HAPLN1: variants seen among roughly 807,000 people sequenced by gnomAD.
HAPLN1 encodes hyaluronan and proteoglycan link protein 1.
A neutral mutation model predicts 36.5 loss-of-function variants in HAPLN1; 13 were observed. That is an observed-to-expected ratio of 0.36 (90% confidence interval 0.23 to 0.57). HAPLN1 has a LOEUF of 0.57. Among genes scored for constraint, HAPLN1 ranks in the 20% least tolerant of loss-of-function variants. HAPLN1 has a pLI of 0.83. For synonymous variants in HAPLN1, 202 were observed against 169.8 expected, an observed-to-expected ratio of 1.19 and a Z score of -1.48; for missense variants, 407 against 439.7, an observed-to-expected ratio of 0.93 and a Z score of 0.66.
At chr5:83,694,558 G>T (rs1308030230) in intron 1 of HAPLN1, among the ~76,000 whole-genome samples, 2 of 151,802 alleles carry the variant, frequency 1.3e-5, no homozygotes, top group African/African-American at 4.8e-5. Context: ...AATGAATGAA[G>T]TAGATAATAT....
At chr5:83,675,856 A>C (rs1237924396) in intron 1 of HAPLN1, among the ~76,000 whole-genome samples, 2 of 152,340 alleles carry the variant, frequency 1.3e-5, no homozygotes, top group East Asian at 3.9e-4. Context: ...CTTGGGATAC[A>C]GACAGTAATC....
At chr5:83,710,367 T>G (rs941773773) in intron 1 of HAPLN1, among the ~76,000 whole-genome samples, 7 of 151,940 alleles carry the variant, frequency 4.6e-5, no homozygotes, top group Non-Finnish European at 8.8e-5. Context: ...AAGGTAGAGA[T>G]TGTTGTGAAG....
Position 83,644,457 on chromosome 5 carries a change from C to T in HAPLN1, c.681G>A (p.Gly227=), listed in dbSNP as rs1162499111. ...TGACTCCGGGCACTGTGTTCTGCCCCCCACAGGGCTCTCTGGGCTTTGTGA... is the reference window on the plus strand; with the variant it reads ...TGACTCCGGGCACTGTGTTCTGCCCTCCACAGGGCTCTCTGGGCTTTGTGA... ...YPITKPREPC[G]GQNTVPGVRN... The change falls in exon 4 of 5, where the codon GGG becomes GGA. Residue 227 remains glycine, a synonymous_variant. Transcript: ENST00000274341. 1.2e-6 allele frequency: 2 copies of T among 1,613,132 alleles called. No homozygotes were observed. Among genetic ancestry groups the T allele is most frequent in the Non-Finnish European group, 1.7e-6 (2 of 1,179,598 alleles).
chr5:83,657,722 C>T (rs2112574592), intron 2 of HAPLN1, among the ~76,000 whole-genome samples: 1 of 151,586 alleles, frequency 6.6e-6, no homozygotes, highest in East Asian at 1.9e-4. Flanking sequence ...GCAAGCTAGC[C>T]AGGCTTGATG....
intron 1 of HAPLN1, among the ~76,000 whole-genome samples, chr5:83,682,982 G>A (rs928742716): frequency 2.6e-5 from 4 of 152,066 alleles, no homozygotes; most frequent in African/African-American, 9.7e-5. Context: ...ATCTTAGCTA[G>A]AAACTACTGC....
At chr5:83,666,926 G>T (rs988338309) in intron 2 of HAPLN1, among the ~76,000 whole-genome samples, 9 of 152,126 alleles carry the variant, frequency 5.9e-5, no homozygotes, top group African/African-American at 1.9e-4. Context: ...CAAATACAAA[G>T]AAGACAAGGA....
intron 1 of HAPLN1, among the ~76,000 whole-genome samples, chr5:83,712,807 T>A: frequency 6.6e-6 from 1 of 151,776 alleles, no homozygotes; most frequent in East Asian, 1.9e-4. Flanking sequence ...GGGGTAATAC[T>A]TAAAGTTATT....
Position 83,652,621 on chromosome 5 carries a change from T to G in HAPLN1, c.304A>C (p.Lys102Gln), listed in dbSNP as rs1561302663. ...VDVFVSMGYH[K>Q]KTYGGYQGRV... Reference sequence around the variant, plus strand: ...CCCTGGTAGCCTCCATAGGTTTTTTTGTGGTATCCCATGGAAACAAAAACA... The same window carrying G: ...CCCTGGTAGCCTCCATAGGTTTTTTGGTGGTATCCCATGGAAACAAAAACA... Residue 102 changes from lysine (K) to glutamine (Q), a missense_variant, in exon 3 of 5, where the codon AAA becomes CAA. Coordinates refer to ENST00000274341, the MANE Select transcript of HAPLN1 (RefSeq NM_001884.4). 6.2e-7 allele frequency: 1 copy of G among 1,614,166 alleles called. No homozygotes were observed. The highest frequency in any genetic ancestry group is 8.5e-7 in the Non-Finnish European group (1 of 1,180,008).
chr5:83,687,444 A>G (rs1751156770), intron 1 of HAPLN1, among the ~76,000 whole-genome samples: 1 of 152,210 alleles, frequency 6.6e-6, no homozygotes, highest in Admixed American at 6.5e-5. Context: ...CATCATGTTC[A>G]AAACATTCAT....
chr5:83,670,568 A>C (rs1750681110), intron 2 of HAPLN1, among the ~76,000 whole-genome samples: 1 of 152,178 alleles, frequency 6.6e-6, no homozygotes, highest in African/African-American at 2.4e-5. Flanking sequence ...GTCTTTTTCC[A>C]TGGGAAGCTG....
chr5:83,720,328 T>C (rs1418841698), intron 1 of HAPLN1, among the ~76,000 whole-genome samples: 2 of 152,226 alleles, frequency 1.3e-5, no homozygotes, highest in Non-Finnish European at 2.9e-5. Flanking sequence ...TACCTATGCC[T>C]AAAGTAACTT....
chr5:83,678,222 T>G (rs561610141), intron 1 of HAPLN1, among the ~76,000 whole-genome samples: 24 of 139,614 alleles, frequency 1.7e-4, no homozygotes, highest in East Asian at 7.9e-4. Flanking sequence ...ATAGTTTGGG[T>G]GTGTGTGTGT....
At chr5:83,699,185 CAAA>C in intron 1 of HAPLN1, among the ~76,000 whole-genome samples, 1 of 152,260 alleles carries the variant, frequency 6.6e-6, no homozygotes, top group South Asian at 2.1e-4. Context: ...TGTAAATAGA[CAAA>C]CATAAAATAT....
intron 1 of HAPLN1, among the ~76,000 whole-genome samples, chr5:83,698,404 T>C (rs942207085): frequency 5.9e-5 from 9 of 152,216 alleles, no homozygotes; most frequent in Non-Finnish European, 1.2e-4. Context: ...TTTTAAAAAC[T>C]CTTTGCATAT....
At chr5:83,715,784 G>A (rs1314867074) in intron 1 of HAPLN1, among the ~76,000 whole-genome samples, 1 of 152,164 alleles carries the variant, frequency 6.6e-6, no homozygotes, top group Admixed American at 6.5e-5. Flanking sequence ...ACTCAGCTCA[G>A]CATTTGCACA....
chr5:83,717,288 TCAGCA>T (rs1264870105), intron 1 of HAPLN1, among the ~76,000 whole-genome samples: 3 of 152,150 alleles, frequency 2.0e-5, no homozygotes, highest in Admixed American at 6.5e-5. Flanking sequence ...GTACCTCCAA[TCAGCA>T]CAGGTTATAA....
At chr5:83,678,645 C>T (rs192801453) in intron 1 of HAPLN1, among the ~76,000 whole-genome samples, 39 of 152,106 alleles carry the variant, frequency 2.6e-4, no homozygotes, top group African/African-American at 9.2e-4. Flanking sequence ...ATACGACTGC[C>T]CTTATGGGCT....
At chr5:83,702,420 G>C (rs1028359048) in intron 1 of HAPLN1, among the ~76,000 whole-genome samples, 7 of 152,144 alleles carry the variant, frequency 4.6e-5, no homozygotes, top group Non-Finnish European at 8.8e-5. Flanking sequence ...ATTTTGTCTT[G>C]TTAGCAATAA....
chr5:83,683,308 C>G (rs1751048431), intron 1 of HAPLN1, among the ~76,000 whole-genome samples: 1 of 152,098 alleles, frequency 6.6e-6, no homozygotes, highest in African/African-American at 2.4e-5. Context: ...AAGGTTGTTT[C>G]CATTTCAAAT....
Sources: gnomAD v4.1 joint callset for allele counts (sites outside exome capture counted in the v4.1 genomes callset) on GRCh38, gnomAD v4.1.1 for gene constraint, MANE v1.5 for transcripts, NCBI Gene and HGNC (gene_info 2026-07-23, HGNC 2026-07-21) for gene names.